MDFI: variants seen among roughly 807,000 people sequenced by gnomAD.
MDFI encodes MyoD family inhibitor, also known as inhibitor of MyoD family a.
A neutral mutation model predicts 22.3 loss-of-function variants in MDFI; 16 were observed. The observed-to-expected ratio is 0.72, with a 90% confidence interval of 0.49 to 1.09. The LOEUF (loss-of-function observed/expected upper bound fraction) is 1.09, where lower values mean the gene tolerates loss of function less well. Among genes scored for constraint, MDFI ranks in the 50% least tolerant of loss-of-function variants. MDFI has a pLI of 0.00. For missense variants in MDFI, 314 were observed against 326.1 expected, an observed-to-expected ratio of 0.96 and a Z score of 0.29; for synonymous variants, 145 against 142.7, an observed-to-expected ratio of 1.02 and a Z score of -0.12.
rs192383529 is a variant in MDFI, at chr6:41,640,044, C to T, written c.76+1219C>T. 8 of 620,784 alleles carry T rather than the reference C, an allele frequency of 1.3e-5. No homozygotes were observed. In the East Asian group the frequency reaches 1.1e-3, roughly 87 times the overall value. The allele number at this position is 620,784 out of a possible 1,614,324, so 38.5% of individuals were successfully genotyped here. A position where few individuals can be genotyped will look rare whatever the true frequency, so the allele number is the denominator to read the frequency against. ...GTGTCTACAGCCCATCTTGGCCAAG[C>T]CTCAAATTGCCTGCTGTCTCTGTGG... On this transcript the variant is annotated intron_variant, in intron 2 of 4. Coordinates refer to ENST00000230321, the MANE Select transcript of MDFI (RefSeq NM_005586.4).
chr6:41,653,515 C>G lies in MDFI; in HGVS notation c.681C>G (p.Cys227Trp), dbSNP rs369427438. Residue 227 changes from cysteine (C) to tryptophan (W), a missense_variant, in exon 5 of 5, where the codon TGC (cysteine) becomes TGG (tryptophan). Transcript: ENST00000230321. The surrounding 1 kb of genome is among the most constrained non-coding windows in gnomAD (Gnocchi z 4.2). ...DLDCGILDAC[C>W]ESADCLEICM... ...ACTGCGGCATCCTGGATGCCTGCTGCGAGTCCGCGGACTGCCTGGAGATCT... is the reference window on the plus strand; with the variant it reads ...ACTGCGGCATCCTGGATGCCTGCTGGGAGTCCGCGGACTGCCTGGAGATCT... 4 of 1,601,940 alleles carry G rather than the reference C, an allele frequency of 2.5e-6. No homozygotes were observed. Among genetic ancestry groups the G allele is most frequent in the Non-Finnish European group, 3.4e-6 (4 of 1,179,948 alleles).
intron 3 of MDFI, among the ~76,000 whole-genome samples, chr6:41,648,996 AG>A (rs1768159218): frequency 6.6e-6 from 1 of 152,094 alleles, no homozygotes; most frequent in Admixed American, 6.5e-5. Flanking sequence ...CCCCTCTGCC[AG>A]CTGCCCATAG....
rs774714232 is a variant in MDFI at position 41,646,252 on chromosome 6, G to T, written c.203G>T (p.Gly68Val). Reference protein sequence around the residue: ...ATPMPQGNGPGIPQGLDSTDL... With the variant: ...ATPMPQGNGPVIPQGLDSTDL... ...CCCATGCCCCAAGGCAATGGCCCTG[G>T]CATCCCCCAGGGCCTGGACAGCACT... The change falls in exon 3 of 5, where the codon GGC (glycine) becomes GTC (valine). Residue 68 changes from glycine to valine, a missense_variant. Transcript: ENST00000230321. 6.4e-7 allele frequency: 1 copy of T among 1,574,564 alleles called. No homozygotes were observed.
chr6:41,639,130 C>CTGT, intron 2 of MDFI: 1 of 660,400 alleles, frequency 1.5e-6, no homozygotes, highest in Non-Finnish European at 1.9e-6. Flanking sequence ...CGGTGTCTGT[C>CTGT]CGTCTGGGAT....
Position 41,647,732 on chromosome 6 carries a change from C to T in MDFI, c.259+1424C>T, listed in dbSNP as rs1768104030. On this transcript the variant is annotated intron_variant, in intron 3 of 4. Coordinates refer to ENST00000230321, the MANE Select transcript of MDFI (RefSeq NM_005586.4). ...TGTTTTCTCATCTGTGAAATGGGGCCAGTAGTAGATCTATTGCGATGCCTA... is the reference window on the plus strand; with the variant it reads ...TGTTTTCTCATCTGTGAAATGGGGCTAGTAGTAGATCTATTGCGATGCCTA... 2.6e-5 allele frequency among the ~76,000 whole-genome samples: 4 copies of T among 152,058 alleles called. No homozygotes were observed. The South Asian group carries it at 8.3e-4, about 32-fold the overall frequency.
rs773706343 is a variant in MDFI at position 41,638,771 on chromosome 6, C to T, written c.22C>T (p.Arg8Cys). MYQVSGQ[R>C]PSGCDAPYGA... The stretch of plus-strand genomic sequence containing the variant: ...GCCGATGTACCAGGTGAGCGGCCAG[C>T]GCCCCTCTGGCTGCGACGCGCCCTA... Residue 8 changes from arginine to cysteine, a missense_variant, in exon 2 of 5, where the codon CGC (arginine) becomes TGC (cysteine). Coordinates refer to ENST00000230321, the MANE Select transcript of MDFI (RefSeq NM_005586.4). This position sits in a 1 kb window ranked among gnomAD's most constrained non-coding sequence, Gnocchi z 7.6. The T allele has an allele frequency of 1.9e-6, 3 of 1,570,830 alleles. No individual in the cohort carries two copies. The highest frequency in any genetic ancestry group is 8.6e-7 in the Non-Finnish European group (1 of 1,164,264).
chr6:41,640,444 C>G (rs1392224421), intron 2 of MDFI, among the ~76,000 whole-genome samples: 2 of 152,138 alleles, frequency 1.3e-5, no homozygotes, highest in Non-Finnish European at 2.9e-5. Flanking sequence ...TGAGGCCCCC[C>G]AGCACCCCAG....
intron 2 of MDFI, among the ~76,000 whole-genome samples, chr6:41,645,550 TCA>T (rs1768017768): frequency 6.6e-6 from 1 of 152,116 alleles, no homozygotes; most frequent in Admixed American, 6.5e-5. Flanking sequence ...GCGCTCTGTA[TCA>T]CACAGTGCTA....
At chr6:41,648,247 T>G (rs1437457555) in intron 3 of MDFI, among the ~76,000 whole-genome samples, 1 of 152,142 alleles carries the variant, frequency 6.6e-6, no homozygotes, top group African/African-American at 2.4e-5. Flanking sequence ...GCTAGCTGTG[T>G]GACCTTGGGC....
chr6:41,639,040 C>A (rs1050436086), intron 2 of MDFI, among the ~76,000 whole-genome samples: 3 of 152,090 alleles, frequency 2.0e-5, no homozygotes, highest in Non-Finnish European at 2.9e-5. Context: ...TGCGGCTGCG[C>A]CAAGTTGGCT....
Position 41,638,740 on chromosome 6 carries a change from T to C in MDFI, c.-10T>C, listed in dbSNP as rs1767727165. ...CCCGCTGAGCCCTGTTTTCCGCAGG[T>C]CCGGGGCCGATGTACCAGGTGAGCG... is the stretch of plus-strand genomic sequence containing the variant. On this transcript the variant is annotated splice_region_variant and 5_prime_UTR_variant, in exon 2 of 5. Transcript: ENST00000230321. The surrounding 1 kb of genome is among the most constrained non-coding windows in gnomAD (Gnocchi z 7.6). 2 of 1,562,182 alleles carry C rather than the reference T, an allele frequency of 1.3e-6. No individual in the cohort carries two copies. The highest frequency in any genetic ancestry group is 1.9e-5 in the Admixed American group (1 of 53,330).
chr6:41,652,288 C>T (rs2127436537), intron 4 of MDFI, among the ~76,000 whole-genome samples: 1 of 152,298 alleles, frequency 6.6e-6, no homozygotes, highest in East Asian at 1.9e-4. Context: ...CTGGCGTGGC[C>T]AGAGCAGAGT....
At chr6:41,651,614 A>G (rs1369071292) in intron 4 of MDFI, among the ~76,000 whole-genome samples, 11 of 152,212 alleles carry the variant, frequency 7.2e-5, no homozygotes, top group Admixed American at 7.2e-4. Flanking sequence ...TGGTCACCTC[A>G]TTAGATTTAC....
chr6:41,651,405 A>G (rs1392589286), intron 4 of MDFI, among the ~76,000 whole-genome samples: 1 of 149,054 alleles, frequency 6.7e-6, no homozygotes, highest in African/African-American at 2.5e-5. Flanking sequence ...ATGTCTGAAC[A>G]TGCCTTAAAA....
At chr6:41,639,540 C>T in intron 2 of MDFI, 1 of 985,436 alleles carries the variant, frequency 1.0e-6, no homozygotes, top group Non-Finnish European at 1.2e-6. Context: ...AGGGGCCTCG[C>T]CGGCCCTGGT....
intron 2 of MDFI, among the ~76,000 whole-genome samples, chr6:41,645,281 T>A (rs1406341968): frequency 6.6e-6 from 1 of 151,860 alleles, no homozygotes; most frequent in Non-Finnish European, 1.5e-5. Flanking sequence ...CCATCCCCCA[T>A]CCCTTTTCCC....
chr6:41,637,974 TC>T (rs1445033494), upstream of MDFI, among the ~76,000 whole-genome samples: 1 of 152,094 alleles, frequency 6.6e-6, no homozygotes, highest in Non-Finnish European at 1.5e-5. The surrounding 1 kb of genome is among the most constrained non-coding windows in gnomAD (Gnocchi z 6.8). Context: ...GGAGCCCAGA[TC>T]CCTGTCCCTG....
chr6:41,648,328 G>A (rs183566387), intron 3 of MDFI, among the ~76,000 whole-genome samples: 19 of 152,236 alleles, frequency 1.2e-4, no homozygotes, highest in Admixed American at 3.9e-4. Context: ...CTACCTCTCC[G>A]GGACTCAGTT....
rs781357255 is a variant in MDFI, at chr6:41,649,865, C to T, written c.484+22C>T. ...GAAGGTAAGCACCCATCCCATCTCT[C>T]CCTGGGAGAGGCCTCCAAAGCCGGG... On this transcript the variant is annotated intron_variant, in intron 4 of 4. Coordinates refer to ENST00000230321, the MANE Select transcript of MDFI (RefSeq NM_005586.4). The T allele has an allele frequency of 3.7e-6, 6 of 1,602,778 alleles. No homozygotes were observed. In the African/African-American group the frequency reaches 8.0e-5, roughly 21 times the overall value.
Sources: allele counts gnomAD v4.1 joint callset (sites outside exome capture counted in the v4.1 genomes callset), GRCh38; gene constraint gnomAD v4.1.1; non-coding constraint Gnocchi (gnomAD v3.1); transcripts MANE v1.5; gene names NCBI Gene and HGNC (gene_info 2026-07-23, HGNC 2026-07-21).